The following DYNC1I1 variants were observed in gnomAD, a reference collection of about 807,000 sequenced individuals.
The protein encoded by DYNC1I1 is cytoplasmic dynein 1 intermediate chain 1.
Under a neutral mutation model 86.6 loss-of-function variants are expected in DYNC1I1, and 43 were observed. That is an observed-to-expected ratio of 0.50 (90% CI 0.39 to 0.64). The LOEUF is 0.64. DYNC1I1 is among the 30% of genes least tolerant of loss of function. The pLI, the probability that DYNC1I1 is intolerant of heterozygous loss-of-function variation, is 0.00. For synonymous variants in DYNC1I1, 262 were observed against 283.7 expected (o/e 0.92, Z 0.77); for missense variants, 604 against 788.8 (o/e 0.77, Z 2.81).
At chr7:95,786,208 C>T (rs1020609753) in intron 1 of DYNC1I1, among the ~76,000 whole-genome samples, 1 of 152,046 alleles carries the variant, frequency 6.6e-6, no homozygotes, top group Non-Finnish European at 1.5e-5. Flanking sequence ...AACTTGTTCC[C>T]CATTGCGCCC....
intron 6 of DYNC1I1, among the ~76,000 whole-genome samples, chr7:95,912,445 C>G (rs371182636): frequency 3.3e-5 from 5 of 152,154 alleles, no homozygotes; most frequent in Non-Finnish European, 7.3e-5. Context: ...GCCTTTGATA[C>G]GTTTAATCTC....
chr7:95,934,952 T>TTGTG (rs145382652), intron 6 of DYNC1I1, among the ~76,000 whole-genome samples: 38 of 149,074 alleles, frequency 2.5e-4, no homozygotes, highest in South Asian at 6.4e-4. Flanking sequence ...GTTTTTTGTT[T>TTGTG]TGTGTGTGTG....
At position 96,081,330 on chromosome 7, in the gene DYNC1I1, G is replaced by GA. The variant is rs1222989159; in HGVS notation, c.1776+853dup. On this transcript the variant is annotated intron_variant, in intron 16 of 16. Transcript: ENST00000447467. ...CTGAATGTCATGGCATGTAAAAAAG[G>GA]AAAAAAAAAAACAACTACACCTTTT... Among the ~76,000 whole-genome samples the GA allele has an allele frequency of 3.0e-3, 416 of 139,670 alleles. 2 individuals are homozygous for GA. The highest frequency in any genetic ancestry group is 9.8e-3 in the East Asian group (46 of 4,674). The allele number at this position is 139,670 out of a possible 152,430, so 91.6% of individuals were successfully genotyped here. A position where few individuals can be genotyped will look rare whatever the true frequency, so the allele number is the denominator to read the frequency against.
intron 6 of DYNC1I1, among the ~76,000 whole-genome samples, chr7:95,870,917 T>C (rs1036238180): frequency 2.6e-5 from 4 of 152,234 alleles, no homozygotes; most frequent in African/African-American, 9.6e-5. Context: ...TTTTACTTTA[T>C]GTTATTTTAT....
intron 5 of DYNC1I1, among the ~76,000 whole-genome samples, chr7:95,835,684 A>G (rs1789066603): frequency 6.6e-6 from 1 of 152,132 alleles, no homozygotes; most frequent in Admixed American, 6.5e-5. Flanking sequence ...TGTTTAGGAT[A>G]GTTAGCTCTT....
intron 14 of DYNC1I1, among the ~76,000 whole-genome samples, chr7:96,068,497 A>G (rs1412957775): frequency 6.6e-6 from 1 of 152,082 alleles, no homozygotes; most frequent in Non-Finnish European, 1.5e-5. Context: ...TATATGGTCA[A>G]TTGTTGACGC....
intron 7 of DYNC1I1, among the ~76,000 whole-genome samples, chr7:95,977,807 A>C (rs531027301): frequency 2.0e-5 from 3 of 152,384 alleles, no homozygotes; most frequent in Non-Finnish European, 4.4e-5. Flanking sequence ...TGATAAAGGC[A>C]AATAAAGTGC....
At chr7:96,055,326 T>C (rs1023350337) in intron 14 of DYNC1I1, among the ~76,000 whole-genome samples, 1 of 152,040 alleles carries the variant, frequency 6.6e-6, no homozygotes, top group African/African-American at 2.4e-5. Context: ...GGTTGGTGGG[T>C]GCAGCAAACA....
chr7:95,790,535 G>A (rs1029206570), intron 1 of DYNC1I1, among the ~76,000 whole-genome samples: 2 of 152,164 alleles, frequency 1.3e-5, no homozygotes, highest in African/African-American at 4.8e-5. Flanking sequence ...TGTGAGCAAG[G>A]TGGTAACCAC....
At chr7:96,047,357 C>T (rs1298115904) in intron 14 of DYNC1I1, among the ~76,000 whole-genome samples, 2 of 152,128 alleles carry the variant, frequency 1.3e-5, no homozygotes, top group African/African-American at 4.8e-5. Flanking sequence ...GACAGTGATC[C>T]ATCATTTATT....
intron 6 of DYNC1I1, among the ~76,000 whole-genome samples, chr7:95,942,921 G>A (rs1182028742): frequency 6.9e-6 from 1 of 145,920 alleles, no homozygotes; most frequent in Non-Finnish European, 1.5e-5. Flanking sequence ...ATATCATACT[G>A]AATGGGCAAA....
chr7:95,864,013 T>C (rs868486003), intron 5 of DYNC1I1, among the ~76,000 whole-genome samples: 21 of 152,350 alleles, frequency 1.4e-4, no homozygotes, highest in Middle Eastern at 3.4e-3. Context: ...TAGAATTCCA[T>C]TGGTAATGTA....
At chr7:96,061,202 G>A (rs1283404430) in intron 14 of DYNC1I1, among the ~76,000 whole-genome samples, 1 of 152,162 alleles carries the variant, frequency 6.6e-6, no homozygotes, top group African/African-American at 2.4e-5. Context: ...GGAGCGAAGG[G>A]GAAAACACAC....
intron 10 of DYNC1I1, among the ~76,000 whole-genome samples, chr7:96,001,184 C>T (rs527372975): frequency 1.3e-5 from 2 of 152,292 alleles, no homozygotes; most frequent in East Asian, 1.9e-4. Flanking sequence ...ACCAGGCTTT[C>T]TCCACTGTGC....
chr7:95,872,109 G>C (rs1167217393), intron 6 of DYNC1I1, among the ~76,000 whole-genome samples: 1 of 152,236 alleles, frequency 6.6e-6, no homozygotes, highest in Non-Finnish European at 1.5e-5. Context: ...GCTGTGGGGA[G>C]GTGGTTGGCA....
At chr7:95,994,001 C>T (rs956497810) in intron 9 of DYNC1I1, among the ~76,000 whole-genome samples, 1 of 152,130 alleles carries the variant, frequency 6.6e-6, no homozygotes, top group African/African-American at 2.4e-5. Flanking sequence ...GATTTATCCT[C>T]AGTTTATTTA....
chr7:95,983,331 A>T (rs1163664392), intron 7 of DYNC1I1, among the ~76,000 whole-genome samples: 1 of 152,170 alleles, frequency 6.6e-6, no homozygotes, highest in South Asian at 2.1e-4. Context: ...GCTGCTAGAA[A>T]CTATGAGGTG....
At chr7:95,852,470 C>T (rs2706870) in intron 5 of DYNC1I1, among the ~76,000 whole-genome samples, 77,461 of 151,624 alleles carry the variant, frequency 0.51, 21,836 homozygotes, top group Middle Eastern at 0.65. Flanking sequence ...ATCTTTTGTA[C>T]TGTTTTTCTA....
intron 5 of DYNC1I1, among the ~76,000 whole-genome samples, chr7:95,833,821 G>T (rs1349254164): frequency 3.4e-5 from 5 of 146,190 alleles, no homozygotes; most frequent in African/African-American, 1.3e-4. Flanking sequence ...CATTGATTTT[G>T]TATCCTGAGA....
Sources: allele counts gnomAD v4.1 joint callset (sites outside exome capture counted in the v4.1 genomes callset), GRCh38; gene constraint gnomAD v4.1.1; transcripts MANE v1.5; gene names NCBI Gene and HGNC (gene_info 2026-07-23, HGNC 2026-07-21).